The following ADGRB3 variants were observed in gnomAD, a reference collection of about 807,000 sequenced individuals.
The protein encoded by ADGRB3 is adhesion G protein-coupled receptor B3.
ADGRB3 carries 37 observed loss-of-function variants against 193.4 expected under a neutral mutation model. That is an observed-to-expected ratio of 0.19 (90% CI 0.15 to 0.25). The LOEUF (loss-of-function observed/expected upper bound fraction) is 0.25. Among genes scored for constraint, ADGRB3 ranks in the 10% least tolerant of loss-of-function variants. The probability of loss-of-function intolerance (pLI) is 1.00; values close to 1 mark genes in which losing one functional copy is unlikely to be tolerated. For missense variants in ADGRB3, 1,637 were observed against 1,852.9 expected (o/e 0.88, Z 2.14); for synonymous variants, 690 against 644.2 (o/e 1.07, Z -1.08).
chr6:68,842,381 T>G (rs1363664773), intron 3 of ADGRB3, among the ~76,000 whole-genome samples: 2 of 151,914 alleles, frequency 1.3e-5, no homozygotes, highest in Non-Finnish European at 2.9e-5. Flanking sequence ...AGGCTAATGT[T>G]AGGAACTATA....
At chr6:69,149,017 T>C (rs1044997988) in intron 17 of ADGRB3, among the ~76,000 whole-genome samples, 1 of 152,144 alleles carries the variant, frequency 6.6e-6, no homozygotes, top group Non-Finnish European at 1.5e-5. Context: ...CCTAGGTATC[T>C]TGAGACAAGG....
chr6:69,064,480 C>T (rs1328705353), intron 16 of ADGRB3, among the ~76,000 whole-genome samples: 3 of 152,018 alleles, frequency 2.0e-5, no homozygotes, highest in African/African-American at 7.2e-5. Flanking sequence ...CCTCCTCATA[C>T]CTTAGTATAG....
intron 15 of ADGRB3, among the ~76,000 whole-genome samples, chr6:69,059,182 G>T (rs901377896): frequency 1.3e-5 from 2 of 152,060 alleles, no homozygotes; most frequent in Non-Finnish European, 2.9e-5. Context: ...CCTCCCCAGA[G>T]AATCAACCAT....
chr6:69,157,187 A>G (rs148393602), intron 17 of ADGRB3, among the ~76,000 whole-genome samples: 20 of 152,312 alleles, frequency 1.3e-4, no homozygotes, highest in African/African-American at 3.8e-4. Flanking sequence ...TCAATGTGAG[A>G]ATTACATGAG....
chr6:68,811,547 C>A (rs564478204), intron 3 of ADGRB3, among the ~76,000 whole-genome samples: 1 of 152,212 alleles, frequency 6.6e-6, no homozygotes, highest in South Asian at 2.1e-4. Context: ...CGGCTCATTG[C>A]AGCCTCTGCC....
At chr6:69,350,488 A>G (rs2127325613) in intron 26 of ADGRB3, among the ~76,000 whole-genome samples, 1 of 152,286 alleles carries the variant, frequency 6.6e-6, no homozygotes, top group African/African-American at 2.4e-5. Context: ...TAACTGTGCC[A>G]TAATTTATCT....
At chr6:69,119,003 A>G (rs115629371) in intron 17 of ADGRB3, among the ~76,000 whole-genome samples, 122 of 152,290 alleles carry the variant, frequency 8.0e-4, no homozygotes, top group Middle Eastern at 6.8e-3. Context: ...ATTTCACTCA[A>G]AAAGAATTAG....
intron 3 of ADGRB3, among the ~76,000 whole-genome samples, chr6:68,861,959 A>G (rs1765167363): frequency 6.6e-6 from 1 of 152,116 alleles, no homozygotes. Flanking sequence ...TGGTATTTTT[A>G]ACCATTATTG....
At chr6:68,919,957 A>T (rs1319099645) in intron 3 of ADGRB3, among the ~76,000 whole-genome samples, 1 of 152,186 alleles carries the variant, frequency 6.6e-6, no homozygotes, top group Non-Finnish European at 1.5e-5. Context: ...ATCAAGAATC[A>T]GGGGCTCAAT....
chr6:69,350,623 A>G (rs1444335072), intron 26 of ADGRB3, among the ~76,000 whole-genome samples: 2 of 152,204 alleles, frequency 1.3e-5, no homozygotes, highest in Non-Finnish European at 2.9e-5. Flanking sequence ...AATAAATCTT[A>G]AATTTAGTTG....
At chr6:68,883,947 C>T (rs1354951215) in intron 3 of ADGRB3, among the ~76,000 whole-genome samples, 1 of 152,064 alleles carries the variant, frequency 6.6e-6, no homozygotes, top group African/African-American at 2.4e-5. Flanking sequence ...AGGGTACTTC[C>T]AAGGTTGCTG....
At chr6:69,231,001 G>T (rs1156924552) in intron 17 of ADGRB3, among the ~76,000 whole-genome samples, 1 of 152,194 alleles carries the variant, frequency 6.6e-6, no homozygotes, top group African/African-American at 2.4e-5. Flanking sequence ...CATGAAAAGG[G>T]CCCCAGTGAG....
At chr6:69,348,329 G>T (rs1769150673) in intron 26 of ADGRB3, among the ~76,000 whole-genome samples, 1 of 151,992 alleles carries the variant, frequency 6.6e-6, no homozygotes, top group African/African-American at 2.4e-5. Context: ...ACTCTGGGTA[G>T]CAGCATGGTG....
chr6:68,894,453 T>C (rs1290762831), intron 3 of ADGRB3, among the ~76,000 whole-genome samples: 2 of 151,942 alleles, frequency 1.3e-5, no homozygotes, highest in South Asian at 2.1e-4. Context: ...AGACTATGCC[T>C]CTTTAGATAG....
intron 3 of ADGRB3, among the ~76,000 whole-genome samples, chr6:68,724,533 G>GT (rs754915156): frequency 1.3e-5 from 2 of 151,474 alleles, no homozygotes; most frequent in African/African-American, 2.4e-5. Context: ...CACAAAATTT[G>GT]TATTAGAAGT....
chr6:69,165,540 G>A (rs1313009351), intron 17 of ADGRB3, among the ~76,000 whole-genome samples: 1 of 151,670 alleles, frequency 6.6e-6, no homozygotes, highest in Non-Finnish European at 1.5e-5. Context: ...TTATCTAATT[G>A]GTGAATCTTA....
intron 8 of ADGRB3, among the ~76,000 whole-genome samples, chr6:68,960,703 C>G (rs575833995): frequency 6.6e-6 from 1 of 152,098 alleles, no homozygotes; most frequent in African/African-American, 2.4e-5. Context: ...CTTTTGAGTG[C>G]CTCCCTCATT....
chr6:68,949,865 T>G (rs1389834651), intron 6 of ADGRB3, among the ~76,000 whole-genome samples: 1 of 152,078 alleles, frequency 6.6e-6, no homozygotes, highest in Non-Finnish European at 1.5e-5. Flanking sequence ...CCATTTAATA[T>G]TTTTTTCTCA....
At chr6:69,043,249 A>G (rs1771123143) in intron 13 of ADGRB3, among the ~76,000 whole-genome samples, 1 of 146,912 alleles carries the variant, frequency 6.8e-6, no homozygotes, top group South Asian at 2.2e-4. Context: ...AAGAAAGAAG[A>G]AAGAGAGAAA....
Sources: allele counts gnomAD v4.1 joint callset (sites outside exome capture counted in the v4.1 genomes callset), GRCh38; gene constraint gnomAD v4.1.1; transcripts MANE v1.5; gene names NCBI Gene and HGNC (gene_info 2026-07-23, HGNC 2026-07-21).